Variants in RNF38 observed in about 807,000 individuals in gnomAD.
The protein encoded by RNF38 is ring finger protein 38, also known as E3 ubiquitin-protein ligase RNF38.
RNF38 carries 15 observed loss-of-function variants against 67.2 expected under a neutral mutation model. That is an observed-to-expected ratio of 0.22 (90% CI 0.15 to 0.34). The LOEUF (loss-of-function observed/expected upper bound fraction) is 0.34, where lower values mean the gene tolerates loss of function less well. RNF38 is among the 10% of genes least tolerant of loss of function. The pLI, the probability that RNF38 is intolerant of heterozygous loss-of-function variation, is 1.00. For missense variants in RNF38, 524 were observed against 639.9 expected (o/e 0.82, Z 1.95); for synonymous variants, 220 against 218.8 (o/e 1.01, Z -0.05).
At chr9:36,429,231 C>T (rs2134257251) in intron 1 of RNF38, among the ~76,000 whole-genome samples, 1 of 152,222 alleles carries the variant, frequency 6.6e-6, no homozygotes, top group African/African-American at 2.4e-5. Flanking sequence ...AAAAAAGAAT[C>T]CCATTGCCTT....
chr9:36,400,736 A>AC (rs1837954446), upstream of RNF38: 1 of 985,380 alleles, frequency 1.0e-6, no homozygotes, highest in African/African-American at 1.7e-5. Flanking sequence ...TCCTCCCGGC[A>AC]CCATCACACG....
upstream of RNF38, chr9:36,487,583 C>T (rs1011004079): frequency 1.0e-6 from 1 of 980,652 alleles, no homozygotes; most frequent in African/African-American, 1.8e-5. Flanking sequence ...AGCAGCGGCT[C>T]CGGCTGCGAC....
At chr9:36,411,967 T>C (rs1171651371) in intron 2 of RNF38, among the ~76,000 whole-genome samples, 1 of 152,076 alleles carries the variant, frequency 6.6e-6, no homozygotes, top group Non-Finnish European at 1.5e-5. Flanking sequence ...ATAAGCCAGT[T>C]ACAAAAAGAA....
At chr9:36,384,169 C>T (rs1440311241) in intron 2 of RNF38, among the ~76,000 whole-genome samples, 1 of 152,014 alleles carries the variant, frequency 6.6e-6, no homozygotes, top group Non-Finnish European at 1.5e-5. Flanking sequence ...CTAGATTCTA[C>T]TCATGTATCT....
intron 9 of RNF38, among the ~76,000 whole-genome samples, chr9:36,347,413 A>C (rs1017051338): frequency 6.6e-6 from 1 of 152,168 alleles, no homozygotes; most frequent in Admixed American, 6.5e-5. Context: ...ATATTGAGCA[A>C]ATCTATTAAT....
At chr9:36,359,730 T>C (rs1361863107) in intron 4 of RNF38, among the ~76,000 whole-genome samples, 1 of 109,348 alleles carries the variant, frequency 9.1e-6, no homozygotes, top group Non-Finnish European at 1.8e-5. Flanking sequence ...CTGAATTTTA[T>C]ATTAAGATTT....
At chr9:36,440,555 GA>G (rs1392635416) in intron 1 of RNF38, among the ~76,000 whole-genome samples, 3 of 151,026 alleles carry the variant, frequency 2.0e-5, no homozygotes, top group African/African-American at 4.9e-5. Context: ...AGAAAAAAAA[GA>G]AAAGAAAAAG....
At chr9:36,362,899 T>C (rs1406972861) in intron 4 of RNF38, among the ~76,000 whole-genome samples, 1 of 137,876 alleles carries the variant, frequency 7.3e-6, no homozygotes, top group Non-Finnish European at 1.6e-5. Context: ...CCCAAAGTGC[T>C]GGGATTACAA....
intron 4 of RNF38, among the ~76,000 whole-genome samples, chr9:36,365,450 C>T (rs1834867546): frequency 6.6e-6 from 1 of 151,950 alleles, no homozygotes; most frequent in African/African-American, 2.4e-5. Flanking sequence ...TGCCTGTAAT[C>T]CCAGCTACTC....
At chr9:36,341,808 AT>A (rs1832858079) in intron 11 of RNF38, among the ~76,000 whole-genome samples, 1 of 2,948 alleles carries the variant, frequency 3.4e-4, no homozygotes, top group East Asian at 4.8e-3. Flanking sequence ...ATATATATAT[AT>A]ATATATATAT....
upstream of RNF38, chr9:36,400,864 A>C: frequency 2.1e-6 from 2 of 952,042 alleles, no homozygotes; most frequent in Non-Finnish European, 2.4e-6. Flanking sequence ...CCCGTCCCGC[A>C]ACACCGCACT....
At chr9:36,402,275 G>C (rs545201110), upstream of RNF38, among the ~76,000 whole-genome samples, 1 of 152,260 alleles carries the variant, frequency 6.6e-6, no homozygotes, top group Non-Finnish European at 1.5e-5. Context: ...ATGTAACCCA[G>C]TTAACCAGCT....
At chr9:36,357,708 T>C (rs762519907) in intron 5 of RNF38, 67 bp downstream of exon 5, 7 of 1,413,490 alleles carry the variant, frequency 5.0e-6, no homozygotes, top group Admixed American at 1.7e-5. Context: ...GTCGGGAAGT[T>C]ACAAAACCAA....
intron 1 of RNF38, among the ~76,000 whole-genome samples, chr9:36,452,534 C>CTT (rs748639616): frequency 3.5e-5 from 5 of 144,070 alleles, no homozygotes; most frequent in Non-Finnish European, 4.6e-5. Flanking sequence ...CAAAATCTTG[C>CTT]TTTTTTTTTT....
At chr9:36,464,466 G>A (rs957221279) in intron 1 of RNF38, among the ~76,000 whole-genome samples, 2 of 151,768 alleles carry the variant, frequency 1.3e-5, no homozygotes, top group Non-Finnish European at 2.9e-5. Context: ...AGCTACTCAG[G>A]AGGCTGAGGC....
intron 2 of RNF38, among the ~76,000 whole-genome samples, chr9:36,376,983 TAAAG>T (rs1835839240): frequency 6.7e-6 from 1 of 148,620 alleles, no homozygotes; most frequent in African/African-American, 2.5e-5. Context: ...GTTAGACAGA[TAAAG>T]AAATAGCAGA....
intron 3 of RNF38, among the ~76,000 whole-genome samples, chr9:36,374,841 C>T (rs934966124): frequency 1.3e-5 from 2 of 152,154 alleles, no homozygotes; most frequent in African/African-American, 2.4e-5. Context: ...CCTCATTTAA[C>T]GTTAATTACA....
In RNF38 at chr9:36,427,188, T is replaced by C. The variant is rs1201012224; in HGVS notation, n.242-2505A>G. On this transcript the variant is annotated intron_variant and non_coding_transcript_variant, in intron 1 of 3. Transcript: ENST00000488058. ...AGCATGCAGCACATTTCCTGACTCATGGCAAGTACTAAGTAATTGCAAAAG... is the reference window on the plus strand; with the variant it reads ...AGCATGCAGCACATTTCCTGACTCACGGCAAGTACTAAGTAATTGCAAAAG... Among the ~76,000 whole-genome samples, 7 of 152,180 alleles carry C rather than the reference T, an allele frequency of 4.6e-5. No individual in the cohort carries two copies. The East Asian group carries it at 1.2e-3, about 25-fold the overall frequency.
Position 36,430,859 on chromosome 9 carries a change from AT to A in RNF38, n.242-6177del, listed in dbSNP as rs369091728. On this transcript the variant is annotated intron_variant and non_coding_transcript_variant, in intron 1 of 3. Transcript: ENST00000488058. ...CCTAATGAGGATTAAAAAAAAAAAA[AT>A]CAACATGGCTTTTCTATACTCTCAC... 1.9e-3 allele frequency among the ~76,000 whole-genome samples: 290 copies of A among 152,098 alleles called. 1 individual carries two copies. Among genetic ancestry groups the A allele is most frequent in the African/African-American group, 6.9e-3 (284 of 41,450 alleles).
Sources: gnomAD v4.1 joint callset for allele counts (sites outside exome capture counted in the v4.1 genomes callset) on GRCh38, gnomAD v4.1.1 for gene constraint, MANE v1.5 for transcripts, NCBI Gene and HGNC (gene_info 2026-07-23, HGNC 2026-07-21) for gene names.